Variants in HECW2 observed in about 807,000 individuals in gnomAD.
The protein encoded by HECW2 is HECT, C2 and WW domain containing E3 ubiquitin protein ligase 2.
A neutral mutation model predicts 175.2 loss-of-function variants in HECW2; 61 were observed. That is an observed-to-expected ratio of 0.35 (90% CI 0.28 to 0.43). The LOEUF (loss-of-function observed/expected upper bound fraction) is 0.43. HECW2 is among the 20% of genes least tolerant of loss of function. The pLI is 1.00. For synonymous variants in HECW2, 671 were observed against 731.0 expected (o/e 0.92, Z 1.32); for missense variants, 1,524 against 2,000.5 (o/e 0.76, Z 4.54).
At chr2:196,422,293 A>G (rs190679576) in intron 2 of HECW2, among the ~76,000 whole-genome samples, 1 of 152,278 alleles carries the variant, frequency 6.6e-6, no homozygotes, top group Non-Finnish European at 1.5e-5. Flanking sequence ...AAAGGCTTCT[A>G]TGCATTTCCC....
chr2:196,486,448 C>T (rs190362028), intron 1 of HECW2, among the ~76,000 whole-genome samples: 1 of 152,266 alleles, frequency 6.6e-6, no homozygotes, highest in East Asian at 1.9e-4. Flanking sequence ...TGCAACCCCC[C>T]TGGGCTCAGA....
chr2:196,530,733 T>G (rs1231110014), intron 1 of HECW2, among the ~76,000 whole-genome samples: 1 of 152,208 alleles, frequency 6.6e-6, no homozygotes, highest in Non-Finnish European at 1.5e-5. Context: ...TTACTGGCAT[T>G]GCAAGGACCC....
intron 23 of HECW2, among the ~76,000 whole-genome samples, chr2:196,222,971 G>A (rs1366624690): frequency 6.6e-6 from 1 of 151,982 alleles, no homozygotes; most frequent in African/African-American, 2.4e-5. Flanking sequence ...TCGACATGAG[G>A]TAAGTTACTG....
chr2:196,504,594 C>T (rs1005769978), intron 1 of HECW2, among the ~76,000 whole-genome samples: 3 of 152,184 alleles, frequency 2.0e-5, no homozygotes, highest in African/African-American at 7.2e-5. Flanking sequence ...GCCAGCCCAC[C>T]AGTCTACTCT....
At chr2:196,521,024 C>T (rs1382072383) in intron 1 of HECW2, among the ~76,000 whole-genome samples, 1 of 152,136 alleles carries the variant, frequency 6.6e-6, no homozygotes, top group Non-Finnish European at 1.5e-5. Context: ...TGGCATGCAA[C>T]ACTAGGGTGG....
At chr2:196,574,131 C>CA (rs1690478787) in intron 1 of HECW2, among the ~76,000 whole-genome samples, 1 of 150,414 alleles carries the variant, frequency 6.6e-6, no homozygotes, top group East Asian at 1.9e-4. Flanking sequence ...ACAATAGCGA[C>CA]AAAAAACAAA....
chr2:196,575,460 C>T (rs1369878065), intron 1 of HECW2, among the ~76,000 whole-genome samples: 1 of 152,056 alleles, frequency 6.6e-6, no homozygotes. Context: ...CATCCGCACT[C>T]CCATGTTCAA....
intron 1 of HECW2, among the ~76,000 whole-genome samples, chr2:196,587,475 A>T (rs1394203573): frequency 1.3e-5 from 2 of 152,204 alleles, no homozygotes; most frequent in Non-Finnish European, 2.9e-5. Context: ...TTTTATATGC[A>T]GTGGGATTCA....
At chr2:196,325,254 C>A in intron 5 of HECW2, 105 bp from the exon 6 acceptor site, 11 of 677,172 alleles carry the variant, frequency 1.6e-5, no homozygotes, top group African/African-American at 1.9e-5. Context: ...AGGAAGGATT[C>A]ATATGTCCTG....
chr2:196,453,606 T>C (rs1696412086), intron 1 of HECW2, among the ~76,000 whole-genome samples: 1 of 152,238 alleles, frequency 6.6e-6, no homozygotes, highest in African/African-American at 2.4e-5. Flanking sequence ...TAAATGCAGC[T>C]TAAAATATCA....
intron 2 of HECW2, among the ~76,000 whole-genome samples, chr2:196,422,886 C>T (rs1695444211): frequency 1.3e-5 from 2 of 152,036 alleles, no homozygotes; most frequent in African/African-American, 4.8e-5. Flanking sequence ...TTATTTGTTC[C>T]ATTTGATTGA....
intron 1 of HECW2, among the ~76,000 whole-genome samples, chr2:196,448,510 T>C (rs185286821): frequency 2.1e-4 from 32 of 152,252 alleles, no homozygotes; most frequent in African/African-American, 6.7e-4. Flanking sequence ...ATCCACAAAA[T>C]TTGGGGAGAA....
intron 1 of HECW2, among the ~76,000 whole-genome samples, chr2:196,554,273 C>T (rs572523063): frequency 6.6e-6 from 1 of 151,632 alleles, no homozygotes; most frequent in Non-Finnish European, 1.5e-5. Context: ...TTGCAGTGAG[C>T]GGAGATCGCG....
intron 2 of HECW2, among the ~76,000 whole-genome samples, chr2:196,346,933 G>C (rs1404215317): frequency 6.8e-6 from 1 of 147,916 alleles, no homozygotes; most frequent in Admixed American, 6.8e-5. Context: ...GCTTGAACCC[G>C]AGAGGTGGAG....
intron 1 of HECW2, among the ~76,000 whole-genome samples, chr2:196,509,031 G>T (rs1687857506): frequency 6.6e-6 from 1 of 152,126 alleles, no homozygotes; most frequent in Admixed American, 6.5e-5. Context: ...TTGCACCACT[G>T]CACTCCAGAC....
chr2:196,371,307 T>C (rs1307236909), intron 2 of HECW2, among the ~76,000 whole-genome samples: 1 of 152,224 alleles, frequency 6.6e-6, no homozygotes, highest in Non-Finnish European at 1.5e-5. Flanking sequence ...CATACATCTG[T>C]ACCTGTAATG....
chr2:196,261,972 A>G (rs995329597), intron 17 of HECW2, among the ~76,000 whole-genome samples: 1 of 151,788 alleles, frequency 6.6e-6, no homozygotes, highest in Non-Finnish European at 1.5e-5. Flanking sequence ...ACAACTGATC[A>G]TGATTAGAGG....
chr2:196,270,639 AT>A (rs1384878030), intron 17 of HECW2, among the ~76,000 whole-genome samples: 1 of 151,084 alleles, frequency 6.6e-6, no homozygotes, highest in Non-Finnish European at 1.5e-5. Flanking sequence ...CTTGGCTTAA[AT>A]TTTTTTTTCA....
intron 14 of HECW2, chr2:196,289,543 G>A (rs769396835): frequency 6.6e-6 from 1 of 152,002 alleles, no homozygotes; most frequent in Non-Finnish European, 1.5e-5. Flanking sequence ...CCAACAATAT[G>A]GTGAACTCCG....
Sources: allele counts gnomAD v4.1 joint callset (sites outside exome capture counted in the v4.1 genomes callset), GRCh38; gene constraint gnomAD v4.1.1; transcripts MANE v1.5; gene names NCBI Gene and HGNC (gene_info 2026-07-23, HGNC 2026-07-21).